CSMD1: variants seen among roughly 807,000 people sequenced by gnomAD.
The protein encoded by CSMD1 is CUB and sushi domain-containing protein 1.
CSMD1 carries 213 observed loss-of-function variants against 417.5 expected under a neutral mutation model. The observed-to-expected ratio is 0.51, with a 90% CI of 0.46 to 0.57. The LOEUF is 0.57. Among genes scored for constraint, CSMD1 ranks in the 20% least tolerant of loss-of-function variants. The pLI, the probability that CSMD1 is intolerant of heterozygous loss-of-function variation, is 0.00. For missense variants in CSMD1, 6,923 were observed against 4,529.7 expected (o/e 1.53, Z -15.17); for synonymous variants, 2,862 against 1,736.8 (o/e 1.65, Z -16.11).
chr8:3,236,176 C>T (rs1268497864), intron 26 of CSMD1, among the ~76,000 whole-genome samples: 4 of 151,892 alleles, frequency 2.6e-5, no homozygotes, highest in Admixed American at 2.0e-4. Flanking sequence ...CCTCGGACTC[C>T]GAAAGTGCTG....
At chr8:4,178,962 T>C (rs1798203887) in intron 3 of CSMD1, among the ~76,000 whole-genome samples, 1 of 152,134 alleles carries the variant, frequency 6.6e-6, no homozygotes, top group South Asian at 2.1e-4. Flanking sequence ...TCCATGCTCA[T>C]GGGTAGGAAG....
At chr8:4,742,802 T>A (rs1392036188) in intron 1 of CSMD1, among the ~76,000 whole-genome samples, 14 of 152,110 alleles carry the variant, frequency 9.2e-5, no homozygotes, top group Non-Finnish European at 1.8e-4. Context: ...ATTATATAAA[T>A]CGCAGAAAAT....
intron 4 of CSMD1, among the ~76,000 whole-genome samples, chr8:4,021,918 A>T (rs936920181): frequency 8.6e-5 from 13 of 152,038 alleles, no homozygotes; most frequent in Non-Finnish European, 1.6e-4. Flanking sequence ...TCATCAACAA[A>T]GCTGACTAGC....
At chr8:3,664,772 T>A (rs1471827821) in intron 7 of CSMD1, among the ~76,000 whole-genome samples, 2 of 152,180 alleles carry the variant, frequency 1.3e-5, no homozygotes, top group African/African-American at 2.4e-5. Flanking sequence ...AAAGAGTACA[T>A]CCTGACACTG....
chr8:2,999,899 CAA>C, intron 53 of CSMD1, 57 bp downstream of exon 53: 1 of 1,479,770 alleles, frequency 6.8e-7, no homozygotes, highest in African/African-American at 1.4e-5. Context: ...GACCTAATAA[CAA>C]AAGACAATGT....
At chr8:3,538,809 G>A (rs1352833635) in intron 10 of CSMD1, among the ~76,000 whole-genome samples, 2 of 152,224 alleles carry the variant, frequency 1.3e-5, no homozygotes, top group East Asian at 3.9e-4. Flanking sequence ...CCAAGAGCCT[G>A]GTGGAAGGCA....
intron 52 of CSMD1, among the ~76,000 whole-genome samples, chr8:3,005,046 G>C (rs146231283): frequency 0.05 from 7,629 of 152,280 alleles, 200 homozygotes; most frequent in East Asian, 0.072. Context: ...GGCTGAGGCA[G>C]AGGAATTGCT....
intron 23 of CSMD1, among the ~76,000 whole-genome samples, chr8:3,312,516 C>G (rs1304569547): frequency 1.3e-5 from 2 of 152,136 alleles, no homozygotes; most frequent in South Asian, 2.1e-4. Flanking sequence ...TTCCAATTTT[C>G]AGTAGACTGA....
intron 5 of CSMD1, among the ~76,000 whole-genome samples, chr8:3,869,078 C>T (rs935673438): frequency 6.6e-6 from 1 of 152,184 alleles, no homozygotes; most frequent in African/African-American, 2.4e-5. Context: ...CTGACATGAC[C>T]TTAGGGACCT....
chr8:3,432,872 T>A (rs963336919), intron 12 of CSMD1, among the ~76,000 whole-genome samples: 1 of 152,148 alleles, frequency 6.6e-6, no homozygotes, highest in African/African-American at 2.4e-5. Flanking sequence ...TTAAATATAG[T>A]CATCAGAGTA....
Position 3,499,877 on chromosome 8 carries a change from G to A in CSMD1, c.1345-6151C>T, listed in dbSNP as rs527257482. ...TCTTCTGTCCTGAAAATGGCACCATGCTGCAGCAGCCTGAGGCCCAGAGAA... is the reference window on the plus strand; with the variant it reads ...TCTTCTGTCCTGAAAATGGCACCATACTGCAGCAGCCTGAGGCCCAGAGAA... On this transcript the variant is annotated intron_variant, in intron 10 of 69. Transcript: ENST00000635120. 2.6e-5 allele frequency among the ~76,000 whole-genome samples: 4 copies of A among 152,208 alleles called. No individual in the cohort carries two copies. The South Asian group carries it at 8.3e-4, about 32-fold the overall frequency.
chr8:4,124,779 G>A (rs558948113), intron 3 of CSMD1, among the ~76,000 whole-genome samples: 2 of 152,206 alleles, frequency 1.3e-5, no homozygotes, highest in East Asian at 3.9e-4. Context: ...AATCATATAG[G>A]AAGTTTAAGC....
At chr8:3,599,112 CA>C (rs1801231069) in intron 8 of CSMD1, among the ~76,000 whole-genome samples, 1 of 147,444 alleles carries the variant, frequency 6.8e-6, no homozygotes, top group African/African-American at 2.6e-5. Context: ...CATTGGATTG[CA>C]ATTGCTTACT....
intron 3 of CSMD1, among the ~76,000 whole-genome samples, chr8:4,320,994 G>C (rs777472097): frequency 6.6e-6 from 1 of 151,990 alleles, no homozygotes; most frequent in Non-Finnish European, 1.5e-5. Context: ...CCTTATACCA[G>C]TTTCTCTGTA....
intron 5 of CSMD1, among the ~76,000 whole-genome samples, chr8:3,855,068 C>T (rs1316539120): frequency 6.6e-6 from 1 of 152,016 alleles, no homozygotes; most frequent in Non-Finnish European, 1.5e-5. Context: ...AATGAGAATA[C>T]CCCAAAATAT....
At chr8:3,769,275 A>G (rs1798449411) in intron 5 of CSMD1, among the ~76,000 whole-genome samples, 1 of 152,198 alleles carries the variant, frequency 6.6e-6, no homozygotes, top group Non-Finnish European at 1.5e-5. Context: ...TATCAGTAAC[A>G]AACTATAGCT....
At chr8:3,273,906 G>GT (rs1301325155) in intron 26 of CSMD1, among the ~76,000 whole-genome samples, 3 of 151,980 alleles carry the variant, frequency 2.0e-5, no homozygotes, top group Non-Finnish European at 2.9e-5. Context: ...TTTTTGAAGG[G>GT]TTTTTTGTGT....
intron 5 of CSMD1, among the ~76,000 whole-genome samples, chr8:3,943,159 T>C (rs1040450885): frequency 6.6e-5 from 10 of 152,136 alleles, no homozygotes; most frequent in Non-Finnish European, 1.3e-4. Flanking sequence ...TTATGATAAA[T>C]AATATAAAAA....
chr8:3,276,924 T>C (rs1312288380), intron 26 of CSMD1, among the ~76,000 whole-genome samples: 1 of 152,086 alleles, frequency 6.6e-6, no homozygotes, highest in East Asian at 1.9e-4. Context: ...ATTAATAAAA[T>C]GGTAACCCAC....
Sources: gnomAD v4.1 joint callset for allele counts (sites outside exome capture counted in the v4.1 genomes callset) on GRCh38, gnomAD v4.1.1 for gene constraint, MANE v1.5 for transcripts, NCBI Gene and HGNC (gene_info 2026-07-23, HGNC 2026-07-21) for gene names.